GOLGA8T: variants seen among roughly 807,000 people sequenced by gnomAD.
GOLGA8T encodes golgin subfamily A member 8T.
GOLGA8T carries 17 observed loss-of-function variants against 52.0 expected under a neutral mutation model. That is an observed-to-expected ratio of 0.33 (90% confidence interval 0.22 to 0.49). The LOEUF is 0.49. GOLGA8T is among the 20% of genes least tolerant of loss of function. The probability of loss-of-function intolerance (pLI) is 0.99; values close to 1 mark genes in which losing one functional copy is unlikely to be tolerated. For synonymous variants in GOLGA8T, 67 were observed against 169.5 expected (o/e 0.40, Z 4.70); for missense variants, 154 against 462.1 (o/e 0.33, Z 6.11).
chr15:30,142,501 C>A, intron 13 of GOLGA8T, 119 bp downstream of exon 13: 1 of 1,517,564 alleles, frequency 6.6e-7, no homozygotes, highest in Non-Finnish European at 8.8e-7. Context: ...GTGACCACAG[C>A]ACCCCCCAGG....
intron 15 of GOLGA8T, 108 bp from the exon 16 acceptor site, chr15:30,144,671 C>G: frequency 8.4e-7 from 1 of 1,192,290 alleles, no homozygotes; most frequent in South Asian, 1.5e-5. Context: ...CAGGAAGTCA[C>G]GGAGAAGCTG....
chr15:30,140,144 C>CGCGTGCAT (rs2057721267), intron 8 of GOLGA8T: 1 of 409,012 alleles, frequency 2.4e-6, no homozygotes, highest in African/African-American at 4.7e-5. Flanking sequence ...AAAGAGGAAA[C>CGCGTGCAT]GTGTGTGCGT....
chr15:30,137,167 G>A (rs2057700748), intron 2 of GOLGA8T, among the ~76,000 whole-genome samples, 182 bp downstream of exon 2: 1 of 145,590 alleles, frequency 6.9e-6, no homozygotes, highest in Admixed American at 6.9e-5. Context: ...CATGAGGTCA[G>A]GAGATCGAGA....
chr15:30,141,923 A>G lies in GOLGA8T; in HGVS notation c.996A>G (p.Ile332Met), dbSNP rs2140648430. The G allele has an allele frequency of 6.3e-6, 3 of 478,886 alleles. No homozygotes were observed. In the South Asian group the frequency reaches 6.6e-5, roughly 11 times the overall value. 29.7% of individuals were successfully genotyped at this position (478,886 alleles called of 1,614,324 possible). The change falls in exon 12 of 19, where the codon ATA becomes ATG. Residue 332 changes from isoleucine to methionine, a missense_variant. Ile to Met is a conservative substitution (Grantham distance 10). This residue lies in a region of GOLGA8T where 54 missense variants were observed against 51.5 expected (regional missense o/e 1.05). Transcript: ENST00000569052. ...CCCAGGTCAAAAAGAATCAGCGCAT[A>G]AGTCTCCTGAACCAGCGACAAGAAG... is the stretch of plus-strand genomic sequence containing the variant. Reference protein sequence around the residue: ...LQAQVKKNQRISLLNQRQEER... With the variant: ...LQAQVKKNQRMSLLNQRQEER...
intron 10 of GOLGA8T, 44 bp downstream of exon 10, chr15:30,141,186 G>A (rs1567325939): frequency 9.4e-7 from 1 of 1,059,554 alleles, no homozygotes; most frequent in Non-Finnish European, 1.3e-6. Context: ...ATAGGTCACT[G>A]GATCTTTCTG....
In GOLGA8T at chr15:30,143,636, C is replaced by T. The variant is rs766901376; in HGVS notation, c.1231C>T (p.Gln411Ter). The T allele has an allele frequency of 1.3e-6, 2 of 1,584,706 alleles. No homozygotes were observed. The highest frequency in any genetic ancestry group is 4.5e-5 in the East Asian group (2 of 44,506). Residue 411 changes from glutamine to a stop codon, truncating the protein, a stop_gained, in exon 14 of 19, where the codon CAG (glutamine) becomes TAG (stop). Coordinates refer to ENST00000569052, the MANE Select transcript of GOLGA8T (RefSeq NM_001355469.2). LOFTEE classifies it high-confidence loss of function. ...EHLEAASQQN[Q>*]QLTAQLSLMA... ...CCTGGAAGCTGCCAGCCAGCAGAAC[C>T]AGCAGCTAACGGCCCAGCTGAGCCT...
At position 30,141,318 on chromosome 15, in the gene GOLGA8T, TC is replaced by T; in HGVS notation, c.787-16del. On this transcript the variant is annotated intron_variant, in intron 10 of 18. Coordinates refer to ENST00000569052, the MANE Select transcript of GOLGA8T (RefSeq NM_001355469.2). ...ACCAGCCCCTCTCTCCAAGGCCCTT[TC>T]CCCTTGTGCTTTGGGCAGATTTGCA... The T allele has an allele frequency of 6.5e-7, 1 of 1,549,474 alleles. No homozygotes were observed. Among genetic ancestry groups the T allele is most frequent in the Non-Finnish European group, 8.6e-7 (1 of 1,158,772 alleles).
Position 30,141,374 on chromosome 15 carries a change from C to G in GOLGA8T, c.823C>G (p.Arg275Gly). ...AAAGAAAGAGAAGCAGCAAGATATG[C>G]GTCGGGTAGAGGAGCTGGAGAGGAG... ...TLKKEKQQDM[R>G]RVEELERSLS... Residue 275 changes from arginine to glycine, a missense_variant, in exon 11 of 19, where the codon CGT (arginine) becomes GGT (glycine). Arg to Gly is a moderately radical substitution (Grantham distance 125, BLOSUM62 -2). Around this residue, in one of 6 missense-constraint regions of GOLGA8T, gnomAD observed 56 missense variants for 134.2 expected, o/e 0.42. Coordinates refer to ENST00000569052, the MANE Select transcript of GOLGA8T (RefSeq NM_001355469.2). The G allele has an allele frequency of 1.3e-6, 2 of 1,544,872 alleles. No individual in the cohort carries two copies. The highest frequency in any genetic ancestry group is 1.7e-6 in the Non-Finnish European group (2 of 1,158,476).
chr15:30,142,256 C>T, intron 12 of GOLGA8T, 58 bp from the exon 13 acceptor site: 1 of 1,209,254 alleles, frequency 8.3e-7, no homozygotes, highest in South Asian at 1.3e-5. Context: ...GAGGCAGACA[C>T]CAAGTTCTGG....
chr15:30,145,570 A>C lies in GOLGA8T; in HGVS notation c.*3A>C. 6.8e-7 allele frequency: 1 copy of C among 1,472,620 alleles called. No individual in the cohort carries two copies. Among genetic ancestry groups the C allele is most frequent in the Middle Eastern group, 2.5e-4 (1 of 4,008 alleles). 91.2% of individuals were successfully genotyped at this position (1,472,620 alleles called of 1,614,324 possible). A position where few individuals can be genotyped will look rare whatever the true frequency, so the allele number is the denominator to read the frequency against. On this transcript the variant is annotated 3_prime_UTR_variant, in exon 19 of 19. Transcript: ENST00000569052. ...GGCTGCCAAGAAGAAGGAGATAAAC[A>C]TCACCATCCTCAAAGAGCTGCTCAA...
In GOLGA8T at chr15:30,145,666, T is replaced by C; in HGVS notation, c.*99T>C. On this transcript the variant is annotated 3_prime_UTR_variant, in exon 19 of 19. Transcript: ENST00000569052. ...CAATTCATTTACTTCCTTTGAATGT[T>C]AGACTCACTCATGATTATTTGTGTT... is the stretch of plus-strand genomic sequence containing the variant. 1.1e-6 allele frequency: 1 copy of C among 948,188 alleles called. No individual in the cohort carries two copies. Among genetic ancestry groups the C allele is most frequent in the Non-Finnish European group, 1.5e-6 (1 of 668,674 alleles). The allele number at this position is 948,188 out of a possible 1,614,324, so 58.7% of individuals were successfully genotyped here. A position where few individuals can be genotyped will look rare whatever the true frequency, so the allele number is the denominator to read the frequency against.
Position 30,142,299 on chromosome 15 carries a change from C to G in GOLGA8T, c.1132-15C>G, listed in dbSNP as rs1369174692. On this transcript the variant is annotated splice_polypyrimidine_tract_variant and intron_variant, in intron 12 of 18. Coordinates refer to ENST00000569052, the MANE Select transcript of GOLGA8T (RefSeq NM_001355469.2). Reference sequence around the variant, plus strand: ...AGCTGCAGTGGGTGGCTGCTGATTGCTTCTCTCTGTCCAGAACAATGAGAA... The same window carrying G: ...AGCTGCAGTGGGTGGCTGCTGATTGGTTCTCTCTGTCCAGAACAATGAGAA... The G allele has an allele frequency of 6.7e-7, 1 of 1,485,388 alleles. No homozygotes were observed. The allele number at this position is 1,485,388 out of a possible 1,614,324, so 92.0% of individuals were successfully genotyped here. A position where few individuals can be genotyped will look rare whatever the true frequency, so the allele number is the denominator to read the frequency against.
Position 30,148,343 on chromosome 15 carries a change from GA to G in GOLGA8T, c.*2786del, listed in dbSNP as rs1218813192. ...TTCAACCTGATAATTTTCCAGAAAT[GA>G]AAAAAAAAATCAGCTCTAAAACCAA... On this transcript the variant is annotated 3_prime_UTR_variant, in exon 19 of 19. Transcript: ENST00000569052. 2.9e-4 allele frequency among the ~76,000 whole-genome samples: 33 copies of G among 113,692 alleles called. 3 individuals carry two copies. The highest frequency in any genetic ancestry group is 4.0e-4 in the Non-Finnish European group (24 of 59,872). The allele number at this position is 113,692 out of a possible 152,430, so 74.6% of individuals were successfully genotyped here.
rs2057843984 is a variant in GOLGA8T at position 30,148,324 on chromosome 15, CTGA to C, written c.*2759_*2761del. Among the ~76,000 whole-genome samples, 1 of 126,640 alleles carries C rather than the reference CTGA, an allele frequency of 7.9e-6. No individual in the cohort carries two copies. The highest frequency in any genetic ancestry group is 1.5e-5 in the Non-Finnish European group (1 of 64,836). 83.1% of individuals were successfully genotyped at this position (126,640 alleles called of 152,430 possible). On this transcript the variant is annotated 3_prime_UTR_variant, in exon 19 of 19. Transcript: ENST00000569052. The stretch of plus-strand genomic sequence containing the variant: ...TCATTTTAAAAGTATTTGATTCAAC[CTGA>C]TAATTTTCCAGAAATGAAAAAAAAA...
chr15:30,143,390 A>C lies in GOLGA8T; in HGVS notation c.1201-216A>C, dbSNP rs1322952184. On this transcript the variant is annotated intron_variant, in intron 13 of 18. Transcript: ENST00000569052. Reference sequence around the variant, plus strand: ...CAGCAGTACGTGGCCACCTATCAGCAGCTGACCTGTTAGAAGGAGGCGCTG... The same window carrying C: ...CAGCAGTACGTGGCCACCTATCAGCCGCTGACCTGTTAGAAGGAGGCGCTG... Among the ~76,000 whole-genome samples, 2 of 118,616 alleles carry C rather than the reference A, an allele frequency of 1.7e-5. 1 individual carries two copies. Among genetic ancestry groups the C allele is most frequent in the Non-Finnish European group, 3.1e-5 (2 of 63,528 alleles). 77.8% of individuals were successfully genotyped at this position (118,616 alleles called of 152,430 possible).
Position 30,142,346 on chromosome 15 carries a change from G to C in GOLGA8T, c.1164G>C (p.Glu388Asp). ...AGAACAAGAACGCACTGCAGTTGGA[G>C]CAGCAAGTAAAGGAGCTACAGGAGA... ...NNENKNALQL[E>D]QQVKELQEKL... The change falls in exon 13 of 19, where the codon GAG becomes GAC. Residue 388 changes from glutamate to aspartate, a missense_variant. By Grantham distance (45) the Glu-to-Asp change is conservative. Coordinates refer to ENST00000569052, the MANE Select transcript of GOLGA8T (RefSeq NM_001355469.2). 1 of 1,552,036 alleles carries C rather than the reference G, an allele frequency of 6.4e-7. No homozygotes were observed. Among genetic ancestry groups the C allele is most frequent in the East Asian group, 2.3e-5 (1 of 42,624 alleles).
At position 30,145,511 on chromosome 15, in the gene GOLGA8T, A is replaced by C. The variant is rs1264964949; in HGVS notation, c.1840A>C (p.Ser614Arg). ...QDHQEHPGLG[S>R]NCCVPFLCWA... ...CCACCAGGAGCACCCAGGCTTGGGC[A>C]GCAACTGCTGTGTGCCATTCTTGTG... is the stretch of plus-strand genomic sequence containing the variant. The change falls in exon 19 of 19, where the codon AGC (serine) becomes CGC (arginine). Residue 614 changes from serine to arginine, a missense_variant. This residue lies in a region of GOLGA8T where 22 missense variants were observed against 181.2 expected (regional missense o/e 0.12). Coordinates refer to ENST00000569052, the MANE Select transcript of GOLGA8T (RefSeq NM_001355469.2). 1.3e-6 allele frequency: 2 copies of C among 1,545,296 alleles called. No individual in the cohort carries two copies. Among genetic ancestry groups the C allele is most frequent in the Non-Finnish European group, 1.7e-6 (2 of 1,159,664 alleles).
chr15:30,142,524 C>T, intron 13 of GOLGA8T, 142 bp downstream of exon 13: 2 of 1,476,048 alleles, frequency 1.4e-6, no homozygotes, highest in South Asian at 2.4e-5. Flanking sequence ...AGTCCTGTTT[C>T]TTGCTTCCTG....
At chr15:30,143,403 G>T (rs2057773486) in intron 13 of GOLGA8T, among the ~76,000 whole-genome samples, 1 of 122,842 alleles carries the variant, frequency 8.1e-6, no homozygotes, top group Non-Finnish European at 1.5e-5. Context: ...TGACCTGTTA[G>T]AAGGAGGCGC....
Sources: allele counts gnomAD v4.1 joint callset (sites outside exome capture counted in the v4.1 genomes callset), GRCh38; gene constraint gnomAD v4.1.1; regional missense constraint gnomAD v4.1.1; transcripts MANE v1.5; gene names NCBI Gene and HGNC (gene_info 2026-07-23, HGNC 2026-07-21).